The following SLC24A2 variants were observed in gnomAD, a reference collection of about 807,000 sequenced individuals.
SLC24A2 encodes sodium/potassium/calcium exchanger 2.
A neutral mutation model predicts 62.0 loss-of-function variants in SLC24A2; 36 were observed. That is an observed-to-expected ratio of 0.58 (90% CI 0.44 to 0.77). SLC24A2 has a LOEUF of 0.77. Ranked by LOEUF, SLC24A2 falls within the 30% of genes least tolerant of loss-of-function variation. The pLI is 0.00. For synonymous variants in SLC24A2, 358 were observed against 294.0 expected, an observed-to-expected ratio of 1.22 and a Z score of -2.23; for missense variants, 846 against 817.9, an observed-to-expected ratio of 1.03 and a Z score of -0.42.
chr9:19,624,387 A>G (rs764950493), intron 2 of SLC24A2, among the ~76,000 whole-genome samples: 22 of 152,180 alleles, frequency 1.4e-4, no homozygotes, highest in Admixed American at 1.3e-4. Flanking sequence ...TCACCAGCTG[A>G]GAGTTTGAAT....
chr9:19,707,531 C>T (rs1286184805), intron 2 of SLC24A2, among the ~76,000 whole-genome samples: 1 of 152,174 alleles, frequency 6.6e-6, no homozygotes, highest in Non-Finnish European at 1.5e-5. Context: ...CCAAATCCAG[C>T]AGCACATCAA....
chr9:19,913,657 G>T, the SLC24A2 span, among the ~76,000 whole-genome samples: 342 of 152,184 alleles, frequency 2.2e-3, 6 homozygotes, highest in East Asian at 0.06. Context: ...TGCTTTCATT[G>T]TATTTCATGA....
At chr9:19,957,204 A>T in the SLC24A2 span, among the ~76,000 whole-genome samples, 1,386 of 152,292 alleles carry the variant, frequency 9.1e-3, 22 homozygotes, top group African/African-American at 0.032. Flanking sequence ...CATACAATAA[A>T]GACAAACTTT....
At chr9:19,850,974 T>TATATACACATAC in the SLC24A2 span, among the ~76,000 whole-genome samples, 9 of 46,934 alleles carry the variant, frequency 1.9e-4, 1 homozygote, top group Non-Finnish European at 2.6e-4. Context: ...TATGTATATA[T>TATATACACATAC]ATATATATAT....
At chr9:20,014,486 G>T in the SLC24A2 span, among the ~76,000 whole-genome samples, 1 of 126,790 alleles carries the variant, frequency 7.9e-6, no homozygotes, top group African/African-American at 3.0e-5. Context: ...AATGGATAAA[G>T]AAAAATGTGA....
chr9:19,578,673 G>C (rs1301484580), intron 5 of SLC24A2, among the ~76,000 whole-genome samples: 2 of 152,018 alleles, frequency 1.3e-5, no homozygotes, highest in Non-Finnish European at 2.9e-5. Context: ...CTTTTCCTAG[G>C]ATAAAGCATG....
chr9:19,788,815 G>A (rs1426769381), intron 1 of SLC24A2, 70 bp downstream of exon 1: 1 of 985,312 alleles, frequency 1.0e-6, no homozygotes, highest in East Asian at 1.1e-4. Context: ...CGGGATGCGC[G>A]CAACCGGGAT....
At chr9:19,963,654 C>T in the SLC24A2 span, among the ~76,000 whole-genome samples, 1 of 152,284 alleles carries the variant, frequency 6.6e-6, no homozygotes, top group Non-Finnish European at 1.5e-5. Context: ...AAATGCAAAT[C>T]AAAACCACAG....
At chr9:20,198,670 A>ACTCTCT in the SLC24A2 span, among the ~76,000 whole-genome samples, 1 of 143,496 alleles carries the variant, frequency 7.0e-6, no homozygotes, top group Admixed American at 7.1e-5. Flanking sequence ...TCTCTCTCTC[A>ACTCTCT]CTCTCTCTCT....
the SLC24A2 span, among the ~76,000 whole-genome samples, chr9:20,034,253 T>C: frequency 0.18 from 28,013 of 152,020 alleles, 3,941 homozygotes; most frequent in East Asian, 0.62. Flanking sequence ...TCAGGTTTTA[T>C]AGCAGAAGTT....
chr9:20,159,508 G>C, the SLC24A2 span, among the ~76,000 whole-genome samples: 4 of 151,728 alleles, frequency 2.6e-5, no homozygotes, highest in South Asian at 2.1e-4. Context: ...TGGACTGATA[G>C]AGCATATAAC....
the SLC24A2 span, among the ~76,000 whole-genome samples, chr9:20,296,946 T>C: frequency 1.3e-5 from 2 of 152,354 alleles, no homozygotes; most frequent in Non-Finnish European, 2.9e-5. Flanking sequence ...ATGCTGTCAT[T>C]CTTTTATGCT....
At position 19,744,025 on chromosome 9, in the gene SLC24A2, C is replaced by T. The variant is rs145776992; in HGVS notation, c.930+41912G>A. ...TCCTGATCATCACCGCAACCACTCA[C>T]GCTGCACAACATTGTTAGAGGGGAC... On this transcript the variant is annotated intron_variant, in intron 2 of 10. Transcript: ENST00000341998. Among the ~76,000 whole-genome samples the T allele has an allele frequency of 1.0e-3, 153 of 152,236 alleles. 1 individual carries two copies. Among genetic ancestry groups the T allele is most frequent in the African/African-American group, 3.5e-3 (145 of 41,552 alleles).
intron 2 of SLC24A2, among the ~76,000 whole-genome samples, chr9:19,630,373 A>T (rs1016220552): frequency 3.3e-5 from 5 of 152,174 alleles, no homozygotes; most frequent in Non-Finnish European, 7.3e-5. Flanking sequence ...ACATAATTTA[A>T]TTTTTGATAA....
At chr9:19,858,220 T>A in the SLC24A2 span, among the ~76,000 whole-genome samples, 16 of 152,264 alleles carry the variant, frequency 1.1e-4, no homozygotes, top group Non-Finnish European at 2.1e-4. Flanking sequence ...AGCCATCTAA[T>A]CTTTGACAAA....
chr9:20,094,614 CT>C, the SLC24A2 span, among the ~76,000 whole-genome samples: 1 of 152,058 alleles, frequency 6.6e-6, no homozygotes. Context: ...TATTGATGTA[CT>C]AGATTTGTGT....
In SLC24A2 at chr9:19,516,105, G is replaced by C. The variant is rs751070953; in HGVS notation, c.*48C>G. On this transcript the variant is annotated 3_prime_UTR_variant, in exon 11 of 11. Transcript: ENST00000341998. Reference sequence around the variant, plus strand: ...GAGGTCAAGGAGCCCAGAGCCCAGAGTGTGGAGGGACCATTCATGCTGCTG... The same window carrying C: ...GAGGTCAAGGAGCCCAGAGCCCAGACTGTGGAGGGACCATTCATGCTGCTG... The C allele has an allele frequency of 6.2e-7, 1 of 1,612,166 alleles. No homozygotes were observed. The highest frequency in any genetic ancestry group is 8.5e-7 in the Non-Finnish European group (1 of 1,178,686).
At chr9:19,771,923 T>C (rs904047444) in intron 2 of SLC24A2, among the ~76,000 whole-genome samples, 16 of 152,090 alleles carry the variant, frequency 1.1e-4, no homozygotes, top group African/African-American at 3.9e-4. Context: ...TATTGGGGGA[T>C]AGAAGGTGGA....
the SLC24A2 span, among the ~76,000 whole-genome samples, chr9:19,894,882 G>A: frequency 1.1e-4 from 17 of 152,094 alleles, no homozygotes; most frequent in African/African-American, 3.6e-4. Flanking sequence ...GATGACCACC[G>A]AACTTAGAAA....
Sources: allele counts gnomAD v4.1 joint callset (sites outside exome capture counted in the v4.1 genomes callset), GRCh38; gene constraint gnomAD v4.1.1; transcripts MANE v1.5; gene names NCBI Gene and HGNC (gene_info 2026-07-23, HGNC 2026-07-21).